Variants in FIBCD1 observed in about 807,000 individuals in gnomAD.
FIBCD1 encodes the protein fibrinogen C domain containing 1, also known as fibrinogen C domain-containing protein 1.
In FIBCD1, 47 loss-of-function variants were observed where a neutral mutation model predicts 45.1. The ratio of observed to expected loss-of-function variants is 1.04; its 90% CI spans 0.82 to 1.33. FIBCD1 has a LOEUF of 1.33. Ranked by LOEUF, FIBCD1 falls within the 40% of genes most tolerant of loss-of-function variation. The pLI is 0.00. For synonymous variants in FIBCD1, 313 were observed against 308.1 expected (o/e 1.02, Z -0.17); for missense variants, 653 against 682.2 (o/e 0.96, Z 0.48).
intron 3 of FIBCD1, 28 bp from the exon 4 acceptor site, chr9:130,923,908 C>CT (rs995756108): frequency 1.9e-6 from 3 of 1,611,254 alleles, no homozygotes; most frequent in Non-Finnish European, 2.5e-6. Flanking sequence ...GTCAGGGTGG[C>CT]TGCGGCCCCA....
chr9:130,907,399 G>A (rs1029110272), intron 5 of FIBCD1, among the ~76,000 whole-genome samples: 16 of 152,098 alleles, frequency 1.1e-4, no homozygotes, highest in South Asian at 8.3e-4. Context: ...TTCCAGGACC[G>A]CTCCCAGCCA....
rs1449862354 is a variant in FIBCD1 at position 130,904,023 on chromosome 9, G to A, written c.*41C>T. On this transcript the variant is annotated 3_prime_UTR_variant, in exon 7 of 7. Transcript: ENST00000372338. ...AAGAGTGAGGTGGGGTCGGGGATGG[G>A]GCGACAGGGACCAGCAGGGCCAAGG... 6 of 1,602,214 alleles carry A rather than the reference G, an allele frequency of 3.7e-6. No individual in the cohort carries two copies. The highest frequency in any genetic ancestry group is 4.3e-6 in the Non-Finnish European group (5 of 1,175,194).
In FIBCD1 at chr9:130,904,028, CAG is replaced by C; in HGVS notation, c.*34_*35del. 1.9e-6 allele frequency: 3 copies of C among 1,606,036 alleles called. No homozygotes were observed. Among genetic ancestry groups the C allele is most frequent in the Non-Finnish European group, 2.5e-6 (3 of 1,177,032 alleles). On this transcript the variant is annotated 3_prime_UTR_variant, in exon 7 of 7. Coordinates refer to ENST00000372338, the MANE Select transcript of FIBCD1 (RefSeq NM_032843.5). Reference sequence around the variant, plus strand: ...TGAGGTGGGGTCGGGGATGGGGCGACAGGGACCAGCAGGGCCAAGGACAAGGT... The same window carrying C: ...TGAGGTGGGGTCGGGGATGGGGCGACGGACCAGCAGGGCCAAGGACAAGGT...
At chr9:130,932,562 C>G (rs1832458901) in intron 1 of FIBCD1, among the ~76,000 whole-genome samples, 1 of 152,230 alleles carries the variant, frequency 6.6e-6, no homozygotes, top group Non-Finnish European at 1.5e-5. Flanking sequence ...TCCCCTCCTC[C>G]TTTTCCACTG....
rs1361117895 is a variant in FIBCD1 at position 130,905,354 on chromosome 9, C to CTT, written c.1005_1006insAA (p.Glu336LysfsTer46). On this transcript the variant is annotated frameshift_variant, in exon 6 of 7. Coordinates refer to ENST00000372338, the MANE Select transcript of FIBCD1 (RefSeq NM_032843.5). LOFTEE classifies it high-confidence loss of function. ...TAGGCCGTGCCATTCTCAAAGTCCT[C>CTT]CAGGTCCACGTGCAGCTCGTAGGCA... 2.5e-6 allele frequency: 4 copies of CTT among 1,613,920 alleles called. No individual in the cohort carries two copies. Among genetic ancestry groups the CTT allele is most frequent in the Non-Finnish European group, 3.4e-6 (4 of 1,179,994 alleles).
At chr9:130,921,355 A>G (rs6597656) in intron 4 of FIBCD1, among the ~76,000 whole-genome samples, 151,773 of 152,382 alleles carry the variant, frequency 1, 75,584 homozygotes, top group East Asian at 1. Flanking sequence ...GACGGATTCC[A>G]TGTGGCGGGG....
intron 4 of FIBCD1, among the ~76,000 whole-genome samples, chr9:130,912,482 G>T (rs1832075903): frequency 6.6e-6 from 1 of 151,656 alleles, no homozygotes. Flanking sequence ...CGAGGTGGGT[G>T]GATCACCTGA....
At chr9:130,904,465 C>G (rs4740380) in intron 6 of FIBCD1, 142 bp from the exon 7 acceptor site, 400,242 of 1,234,242 alleles carry the variant, frequency 0.32, 68,754 homozygotes, top group African/African-American at 0.62. Flanking sequence ...ACACATACTG[C>G]TGTGCACGCG....
chr9:130,912,350 G>A (rs1460977880), intron 4 of FIBCD1, among the ~76,000 whole-genome samples: 1 of 146,144 alleles, frequency 6.8e-6, no homozygotes, highest in Non-Finnish European at 1.5e-5. Context: ...AAGCTGCAGT[G>A]AGCTATGATC....
chr9:130,904,820 A>C (rs754470115), intron 6 of FIBCD1, among the ~76,000 whole-genome samples: 3 of 152,206 alleles, frequency 2.0e-5, no homozygotes, highest in Non-Finnish European at 4.4e-5. Flanking sequence ...TTGGAGGAGG[A>C]GGCAAGCAGC....
chr9:130,934,701 T>C (rs1352422496), intron 1 of FIBCD1, among the ~76,000 whole-genome samples: 1 of 152,156 alleles, frequency 6.6e-6, no homozygotes, highest in Non-Finnish European at 1.5e-5. Context: ...CCAGCGTCTC[T>C]CCACCCCAAA....
intron 4 of FIBCD1, 98 bp downstream of exon 4, chr9:130,923,646 G>C: frequency 1.3e-6 from 2 of 1,511,046 alleles, no homozygotes; most frequent in South Asian, 2.5e-5. Flanking sequence ...CCATGGTGGA[G>C]GGCTGGGTAG....
At chr9:130,939,854 A>G (rs1429137009), upstream of FIBCD1, among the ~76,000 whole-genome samples, 2 of 151,488 alleles carry the variant, frequency 1.3e-5, no homozygotes, top group African/African-American at 2.4e-5. Context: ...TGCGCGGCGA[A>G]CGAGCTGCTA....
intron 4 of FIBCD1, among the ~76,000 whole-genome samples, chr9:130,921,307 T>C (rs6597655): frequency 0.87 from 132,939 of 152,320 alleles, 58,043 homozygotes; most frequent in Admixed American, 0.89. Flanking sequence ...GCTGGAGAGG[T>C]GGCAGCCAGC....
chr9:130,917,398 G>A (rs948628304), intron 4 of FIBCD1, among the ~76,000 whole-genome samples: 26 of 152,248 alleles, frequency 1.7e-4, no homozygotes, highest in Admixed American at 1.3e-3. Context: ...GGCCCACATG[G>A]TCCTGCAGAT....
At chr9:130,914,120 A>G (rs1832114102) in intron 4 of FIBCD1, among the ~76,000 whole-genome samples, 1 of 150,034 alleles carries the variant, frequency 6.7e-6, no homozygotes, top group African/African-American at 2.5e-5. Context: ...GTAGGTGTTC[A>G]GCAAGTGCCA....
intron 1 of FIBCD1, 63 bp from the exon 2 acceptor site, chr9:130,930,109 T>A: frequency 6.8e-7 from 1 of 1,462,104 alleles, no homozygotes; most frequent in Non-Finnish European, 9.0e-7. Context: ...GGGGCCAGCA[T>A]TAGAGGCATA....
chr9:130,920,702 AG>A (rs1832246691), intron 4 of FIBCD1, among the ~76,000 whole-genome samples: 1 of 152,036 alleles, frequency 6.6e-6, no homozygotes, highest in Non-Finnish European at 1.5e-5. Context: ...TAAACCAGAT[AG>A]GCCAGTAGCA....
chr9:130,915,179 C>T (rs1446563278), intron 4 of FIBCD1, among the ~76,000 whole-genome samples: 1 of 152,240 alleles, frequency 6.6e-6, no homozygotes, highest in Non-Finnish European at 1.5e-5. Flanking sequence ...CTTCTGGTGC[C>T]AAGAGCTGGT....
Sources: allele counts gnomAD v4.1 joint callset (sites outside exome capture counted in the v4.1 genomes callset), GRCh38; gene constraint gnomAD v4.1.1; transcripts MANE v1.5; gene names NCBI Gene and HGNC (gene_info 2026-07-23, HGNC 2026-07-21).